Variants in AGXT2 observed in about 807,000 individuals in gnomAD.
AGXT2 encodes alanine--glyoxylate aminotransferase 2.
Under a neutral mutation model 62.5 loss-of-function variants are expected in AGXT2, and 61 were observed. The observed-to-expected ratio is 0.98, with a 90% confidence interval of 0.79 to 1.21. The LOEUF (loss-of-function observed/expected upper bound fraction) is 1.21, where lower values mean the gene tolerates loss of function less well. Ranked by LOEUF, AGXT2 falls within the 50% of genes most tolerant of loss-of-function variation. The pLI is 0.00. For missense variants in AGXT2, 666 were observed against 641.5 expected (o/e 1.04, Z -0.41); for synonymous variants, 243 against 218.7 (o/e 1.11, Z -0.98).
rs1561207613 is a variant in AGXT2 at position 34,998,823 on chromosome 5, A to G, written c.1441T>C (p.Phe481Leu). 6.2e-7 allele frequency: 1 copy of G among 1,609,418 alleles called. No homozygotes were observed. Among genetic ancestry groups the G allele is most frequent in the Non-Finnish European group, 8.5e-7 (1 of 1,176,266 alleles). ...VGRGSIFSQT[F>L]RIAPSMCITK... ...ATGCACATTGAGGGCGCAATGCGAA[A>G]TGTCTGAGGAGACACCAAAAAATAA... The change falls in exon 14 of 14, where the codon TTT becomes CTT. Residue 481 changes from phenylalanine (F) to leucine (L), a missense_variant. Physicochemically the swap from Phe to Leu is conservative, Grantham distance 22. Coordinates refer to ENST00000231420, the MANE Select transcript of AGXT2 (RefSeq NM_031900.4).
chr5:35,010,588 G>A (rs1384268992), intron 11 of AGXT2, among the ~76,000 whole-genome samples: 2 of 152,148 alleles, frequency 1.3e-5, no homozygotes, highest in African/African-American at 4.8e-5. Context: ...GGGAGGCTGA[G>A]GCAGGAGAAT....
rs550246328 is a variant in AGXT2 at position 35,047,044 on chromosome 5, G to A, written c.88+761C>T. On this transcript the variant is annotated intron_variant, in intron 1 of 13. Coordinates refer to ENST00000231420, the MANE Select transcript of AGXT2 (RefSeq NM_031900.4). ...GGGCCTGGGGTCAAGCCCTGGCTTG[G>A]ATGACTCTGGGTGAATCACAGCACT... is the stretch of plus-strand genomic sequence containing the variant. Among the ~76,000 whole-genome samples, 9 of 152,334 alleles carry A rather than the reference G, an allele frequency of 5.9e-5. No individual in the cohort carries two copies. The East Asian group carries it at 1.7e-3, about 29-fold the overall frequency.
rs58539576 is a variant in AGXT2 at position 35,022,747 on chromosome 5, TA to T, written c.963+3015del. Among the ~76,000 whole-genome samples the T allele has an allele frequency of 2.0e-4, 28 of 138,656 alleles. 1 individual carries two copies. The East Asian group carries it at 2.6e-3, about 13-fold the overall frequency. The allele number at this position is 138,656 out of a possible 152,430, so 91.0% of individuals were successfully genotyped here. ...ATAATAATAAATAAAAAGAGAGAAG[TA>T]AAAAAAAAAAAAAAGGAAAAGAAAA... is the stretch of plus-strand genomic sequence containing the variant. On this transcript the variant is annotated intron_variant, in intron 9 of 13. Coordinates refer to ENST00000231420, the MANE Select transcript of AGXT2 (RefSeq NM_031900.4).
intron 13 of AGXT2, among the ~76,000 whole-genome samples, chr5:35,001,082 G>A (rs944503295): frequency 6.6e-6 from 1 of 152,216 alleles, no homozygotes; most frequent in African/African-American, 2.4e-5. Context: ...TGCTGGCTAA[G>A]CTATGATGTA....
chr5:35,041,850 T>C (rs1425091234), intron 1 of AGXT2, among the ~76,000 whole-genome samples: 5 of 152,188 alleles, frequency 3.3e-5, no homozygotes, highest in East Asian at 1.9e-4. Flanking sequence ...CAAAGAGATA[T>C]ATATTTCAAA....
intron 11 of AGXT2, among the ~76,000 whole-genome samples, chr5:35,011,324 G>A (rs549434900): frequency 1.3e-5 from 2 of 152,214 alleles, no homozygotes; most frequent in East Asian, 3.9e-4. Flanking sequence ...GTTGGGCATG[G>A]TGGTGCATGC....
chr5:35,013,875 A>G, intron 10 of AGXT2, 112 bp downstream of exon 10: 1 of 1,480,088 alleles, frequency 6.8e-7, no homozygotes, highest in Non-Finnish European at 9.4e-7. Context: ...TGGGAAATGC[A>G]TCATGTGGTT....
chr5:35,017,378 A>C lies in AGXT2; in HGVS notation c.964-3259T>G, dbSNP rs545039996. ...TGTCCCCACCCAAATCTCATCATGA[A>C]TTGTAGCTCCCATAATTCCCACGTG... On this transcript the variant is annotated intron_variant, in intron 9 of 13. Coordinates refer to ENST00000231420, the MANE Select transcript of AGXT2 (RefSeq NM_031900.4). 2.0e-5 allele frequency among the ~76,000 whole-genome samples: 3 copies of C among 152,328 alleles called. No homozygotes were observed. The South Asian group carries it at 6.2e-4, about 32-fold the overall frequency.
At chr5:35,023,335 A>G (rs62358261) in intron 9 of AGXT2, among the ~76,000 whole-genome samples, 33,603 of 152,092 alleles carry the variant, frequency 0.22, 4,051 homozygotes, top group South Asian at 0.31. Flanking sequence ...GAGTTAACAC[A>G]TGCAAAGTGT....
At chr5:35,009,215 G>A (rs180769026) in intron 12 of AGXT2, among the ~76,000 whole-genome samples, 1 of 151,376 alleles carries the variant, frequency 6.6e-6, no homozygotes, top group Non-Finnish European at 1.5e-5. Context: ...TTACTTGGGA[G>A]GTTGAAATCC....
At chr5:35,020,059 T>G (rs952841837) in intron 9 of AGXT2, among the ~76,000 whole-genome samples, 8 of 152,050 alleles carry the variant, frequency 5.3e-5, no homozygotes, top group Non-Finnish European at 1.2e-4. Flanking sequence ...AATAACAGGA[T>G]CTGAAATTGT....
At chr5:35,040,729 A>G in intron 1 of AGXT2, 66 bp from the exon 2 acceptor site, 1 of 1,215,872 alleles carries the variant, frequency 8.2e-7, no homozygotes. Context: ...AAAGTCACCT[A>G]TAGTTATCCA....
chr5:35,004,314 C>A (rs1165213234), intron 12 of AGXT2, among the ~76,000 whole-genome samples: 2 of 152,212 alleles, frequency 1.3e-5, no homozygotes, highest in African/African-American at 4.8e-5. Flanking sequence ...GCAGCCTGAG[C>A]TTTCCCTGGG....
chr5:35,036,579 T>C (rs959928822), intron 4 of AGXT2, among the ~76,000 whole-genome samples: 1 of 152,176 alleles, frequency 6.6e-6, no homozygotes, highest in Non-Finnish European at 1.5e-5. Context: ...AGCGATGAGA[T>C]AAAAACCTCT....
At chr5:35,015,400 C>T (rs1412718765) in intron 9 of AGXT2, among the ~76,000 whole-genome samples, 2 of 152,314 alleles carry the variant, frequency 1.3e-5, no homozygotes, top group East Asian at 3.9e-4. Flanking sequence ...ACATTTCTGC[C>T]AGAGCCTTTC....
chr5:35,046,540 T>C (rs1768216181), intron 1 of AGXT2, among the ~76,000 whole-genome samples: 1 of 152,224 alleles, frequency 6.6e-6, no homozygotes. Context: ...ACCACATTTC[T>C]TAGATATTCC....
At chr5:35,014,465 A>AC (rs1381200299) in intron 9 of AGXT2, among the ~76,000 whole-genome samples, 2 of 151,212 alleles carry the variant, frequency 1.3e-5, no homozygotes, top group Non-Finnish European at 3.0e-5. Context: ...AAAAAAAAAA[A>AC]AAAAAAAGAA....
At chr5:35,019,492 T>A (rs1766983056) in intron 9 of AGXT2, among the ~76,000 whole-genome samples, 1 of 151,720 alleles carries the variant, frequency 6.6e-6, no homozygotes, top group African/African-American at 2.4e-5. Flanking sequence ...CATAACGAAA[T>A]GAAGGCAGAA....
chr5:35,022,911 A>G (rs1025848158), intron 9 of AGXT2, among the ~76,000 whole-genome samples: 2 of 151,846 alleles, frequency 1.3e-5, no homozygotes, highest in Non-Finnish European at 1.5e-5. Flanking sequence ...AAACTAGAAA[A>G]GGCAGAGTAG....
Sources: allele counts gnomAD v4.1 joint callset (sites outside exome capture counted in the v4.1 genomes callset), GRCh38; gene constraint gnomAD v4.1.1; transcripts MANE v1.5; gene names NCBI Gene and HGNC (gene_info 2026-07-23, HGNC 2026-07-21).